The following ABLIM1 variants were observed in gnomAD, a reference collection of about 807,000 sequenced individuals.
The protein encoded by ABLIM1 is actin-binding LIM protein 1.
ABLIM1 carries 40 observed loss-of-function variants against 107.0 expected under a neutral mutation model. The observed-to-expected ratio is 0.37, with a 90% confidence interval of 0.29 to 0.49. The LOEUF (loss-of-function observed/expected upper bound fraction) is 0.49. ABLIM1 is among the 20% of genes least tolerant of loss of function. The pLI, the probability that ABLIM1 is intolerant of heterozygous loss-of-function variation, is 0.97. For missense variants in ABLIM1, 857 were observed against 1,008.5 expected (o/e 0.85, Z 2.04); for synonymous variants, 357 against 357.3 (o/e 1.00, Z 0.01).
At chr10:114,686,001 G>A (rs1315320960), upstream of ABLIM1, among the ~76,000 whole-genome samples, 1 of 152,136 alleles carries the variant, frequency 6.6e-6, no homozygotes, top group Non-Finnish European at 1.5e-5. Context: ...TATTTTCAGG[G>A]GCTAAAATAG....
At chr10:114,460,882 T>C (rs2133313130) in intron 12 of ABLIM1, among the ~76,000 whole-genome samples, 1 of 152,352 alleles carries the variant, frequency 6.6e-6, no homozygotes, top group South Asian at 2.1e-4. Context: ...TTATGGACAC[T>C]TTGTGCTGTG....
Position 114,692,370 on chromosome 10 carries a change from T to C in ABLIM1, c.-213+75691A>G, listed in dbSNP as rs536864799. Among the ~76,000 whole-genome samples, 87 of 152,340 alleles carry C rather than the reference T, an allele frequency of 5.7e-4. 1 individual carries two copies. Among genetic ancestry groups the C allele is most frequent in the Admixed American group, 2.2e-3 (34 of 15,306 alleles). Reference sequence around the variant, plus strand: ...TCTGCCTCCTTTCAACTTTTGTCTCTTCCAAGATTATTGCGTCAGCAAAGG... The same window carrying C: ...TCTGCCTCCTTTCAACTTTTGTCTCCTCCAAGATTATTGCGTCAGCAAAGG... On this transcript the variant is annotated intron_variant, in intron 1 of 15. Coordinates refer to the ABLIM1 transcript ENST00000651092.
chr10:114,522,391 C>T (rs1269213202), intron 6 of ABLIM1, among the ~76,000 whole-genome samples: 2 of 152,132 alleles, frequency 1.3e-5, no homozygotes, highest in Non-Finnish European at 2.9e-5. Flanking sequence ...ATTTGGCATC[C>T]TAAACAAGTT....
chr10:114,493,008 G>C (rs1240437437), intron 6 of ABLIM1, among the ~76,000 whole-genome samples: 1 of 152,184 alleles, frequency 6.6e-6, no homozygotes, highest in East Asian at 1.9e-4. Flanking sequence ...GTGCCTGCCA[G>C]AAAATTCCAG....
At chr10:114,798,059 C>T in the ABLIM1 span, among the ~76,000 whole-genome samples, 1 of 152,148 alleles carries the variant, frequency 6.6e-6, no homozygotes, top group Admixed American at 6.6e-5. Flanking sequence ...TGTATAATGA[C>T]TATGTTACTA....
intron 1 of ABLIM1, among the ~76,000 whole-genome samples, chr10:114,701,910 T>TAAAAATAAGAGAGGAGGTAGAAATTTAGA: frequency 6.6e-6 from 1 of 152,260 alleles, no homozygotes; most frequent in South Asian, 2.1e-4. Flanking sequence ...AAACAACTGT[T>TAAAAATAAGAGAGGAGGTAGAAATTTAGA]AAAAATAAGA....
chr10:114,684,802 G>A, exon 1 of ABLIM1: 1 of 853,378 alleles, frequency 1.2e-6, no homozygotes, highest in Non-Finnish European at 1.4e-6. Flanking sequence ...ATGAAATAAA[G>A]AAAGAAAAGG....
chr10:114,597,361 G>A (rs1457618887), intron 2 of ABLIM1, among the ~76,000 whole-genome samples: 1 of 152,086 alleles, frequency 6.6e-6, no homozygotes, highest in Non-Finnish European at 1.5e-5. Flanking sequence ...TGTCAAGATG[G>A]TGCAGATGAG....
chr10:114,708,031 T>C (rs1566259553), intron 1 of ABLIM1, among the ~76,000 whole-genome samples: 1 of 152,184 alleles, frequency 6.6e-6, no homozygotes, highest in South Asian at 2.1e-4. Flanking sequence ...CTTTTATTTG[T>C]TTACATGTGG....
At chr10:114,478,057 T>A (rs1345455193) in intron 8 of ABLIM1, among the ~76,000 whole-genome samples, 1 of 152,196 alleles carries the variant, frequency 6.6e-6, no homozygotes, top group East Asian at 1.9e-4. Flanking sequence ...GGGGATCCTG[T>A]GAGTTATGCA....
At chr10:114,474,118 A>T (rs1221135805) in intron 8 of ABLIM1, among the ~76,000 whole-genome samples, 162 bp from the exon 9 acceptor site, 1 of 152,206 alleles carries the variant, frequency 6.6e-6, no homozygotes, top group East Asian at 1.9e-4. Flanking sequence ...AGGTAAATGC[A>T]AACTAGTTGT....
At chr10:114,499,290 A>G (rs560151144) in intron 6 of ABLIM1, among the ~76,000 whole-genome samples, 1 of 152,358 alleles carries the variant, frequency 6.6e-6, no homozygotes, top group South Asian at 2.1e-4. Context: ...CTGAAAGATC[A>G]CTAAATGAAG....
chr10:114,453,004 T>C (rs188627728), intron 13 of ABLIM1, among the ~76,000 whole-genome samples: 262 of 152,236 alleles, frequency 1.7e-3, no homozygotes, highest in African/African-American at 5.8e-3. Flanking sequence ...GGTTCAGTCT[T>C]TAGGATGAGA....
chr10:114,672,259 G>A (rs999045361), intron 1 of ABLIM1, among the ~76,000 whole-genome samples: 1 of 152,046 alleles, frequency 6.6e-6, no homozygotes, highest in African/African-American at 2.4e-5. Context: ...GGAGTGCAGT[G>A]GTGTAATTTC....
At chr10:114,706,726 C>A (rs1014488014) in intron 1 of ABLIM1, among the ~76,000 whole-genome samples, 3 of 152,192 alleles carry the variant, frequency 2.0e-5, no homozygotes, top group African/African-American at 7.2e-5. Flanking sequence ...GCAATATTTT[C>A]CTAAAAGCTG....
At chr10:114,453,160 CT>C (rs1178139098) in intron 13 of ABLIM1, among the ~76,000 whole-genome samples, 1 of 152,244 alleles carries the variant, frequency 6.6e-6, no homozygotes, top group East Asian at 1.9e-4. Flanking sequence ...ATCACCCACA[CT>C]CTTCAAAAAT....
the ABLIM1 span, among the ~76,000 whole-genome samples, chr10:114,783,051 G>T: frequency 3.3e-5 from 5 of 152,162 alleles, no homozygotes; most frequent in South Asian, 1.0e-3. Context: ...GGAGGCCGAG[G>T]CAGATGGATC....
chr10:114,517,180 C>T (rs577443819), intron 6 of ABLIM1, among the ~76,000 whole-genome samples: 1 of 152,288 alleles, frequency 6.6e-6, no homozygotes, highest in Admixed American at 6.5e-5. Context: ...GTCCAACCTG[C>T]TTTGCAGATG....
chr10:114,596,601 G>A (rs2075439022), intron 2 of ABLIM1, among the ~76,000 whole-genome samples: 1 of 152,132 alleles, frequency 6.6e-6, no homozygotes, highest in South Asian at 2.1e-4. Context: ...AAAGTGAGAT[G>A]AGTTCACCAA....
Sources: allele counts gnomAD v4.1 joint callset (sites outside exome capture counted in the v4.1 genomes callset), GRCh38; gene constraint gnomAD v4.1.1; transcripts MANE v1.5; gene names NCBI Gene and HGNC (gene_info 2026-07-23, HGNC 2026-07-21).